MEGF9: variants seen among roughly 807,000 people sequenced by gnomAD.
MEGF9 encodes the protein multiple epidermal growth factor-like domains protein 9.
A neutral mutation model predicts 46.8 loss-of-function variants in MEGF9; 6 were observed. The ratio of observed to expected loss-of-function variants is 0.13; its 90% confidence interval spans 0.07 to 0.25. The LOEUF (loss-of-function observed/expected upper bound fraction) is 0.25, where lower values mean the gene tolerates loss of function less well. Ranked by LOEUF, MEGF9 falls within the 10% of genes least tolerant of loss-of-function variation. The pLI is 1.00. For missense variants in MEGF9, 683 were observed against 792.4 expected (o/e 0.86, Z 1.66); for synonymous variants, 302 against 330.7 (o/e 0.91, Z 0.94).
intron 2 of MEGF9, among the ~76,000 whole-genome samples, chr9:120,635,588 T>C (rs940578636): frequency 3.3e-5 from 5 of 152,128 alleles, no homozygotes; most frequent in African/African-American, 1.2e-4. Context: ...TTTTGCTGGA[T>C]TCTTTCTTTT....
chr9:120,614,874 T>C (rs754082459), intron 3 of MEGF9, among the ~76,000 whole-genome samples: 2 of 151,976 alleles, frequency 1.3e-5, no homozygotes, highest in African/African-American at 4.8e-5. Context: ...CCTTTGTGCA[T>C]AGCTGATGTG....
chr9:120,704,723 C>T (rs1198715929), intron 1 of MEGF9, among the ~76,000 whole-genome samples: 1 of 152,136 alleles, frequency 6.6e-6, no homozygotes, highest in Non-Finnish European at 1.5e-5. Flanking sequence ...ATGTGAATTG[C>T]AAGGTCTTAG....
chr9:120,699,544 T>C (rs1387251711), intron 1 of MEGF9, among the ~76,000 whole-genome samples: 2 of 151,730 alleles, frequency 1.3e-5, no homozygotes, highest in East Asian at 1.9e-4. Flanking sequence ...ATAGCGAGAC[T>C]GCATGTCTAC....
chr9:120,699,633 G>A (rs2043894320), intron 1 of MEGF9, among the ~76,000 whole-genome samples: 1 of 150,492 alleles, frequency 6.6e-6, no homozygotes, highest in African/African-American at 2.5e-5. Flanking sequence ...TGATATGGGA[G>A]GATCACCTGA....
At chr9:120,610,910 CAAT>C (rs1206340882) in intron 4 of MEGF9, among the ~76,000 whole-genome samples, 2 of 152,062 alleles carry the variant, frequency 1.3e-5, no homozygotes, top group African/African-American at 4.8e-5. Context: ...TATTTCAACT[CAAT>C]GATAACAAGA....
At chr9:120,703,894 A>G (rs2043916537) in intron 1 of MEGF9, among the ~76,000 whole-genome samples, 1 of 151,816 alleles carries the variant, frequency 6.6e-6, no homozygotes. Context: ...AATCACTTCA[A>G]CCTAAGAGGC....
chr9:120,675,758 G>C (rs2043770148), intron 1 of MEGF9, among the ~76,000 whole-genome samples: 1 of 151,320 alleles, frequency 6.6e-6, no homozygotes, highest in Non-Finnish European at 1.5e-5. Flanking sequence ...TGTGGTGGCG[G>C]GCGCCTGTAA....
chr9:120,606,633 C>G (rs959558), intron 5 of MEGF9, among the ~76,000 whole-genome samples: 88,362 of 152,044 alleles, frequency 0.58, 28,271 homozygotes, highest in South Asian at 0.75. Flanking sequence ...TGTGTGGCTA[C>G]AGATAAGTAA....
rs1010982514 is a variant in MEGF9 at position 120,605,799 on chromosome 9, T to G, written c.1358-158A>C. Among the ~76,000 whole-genome samples, 9 of 152,154 alleles carry G rather than the reference T, an allele frequency of 5.9e-5. No individual in the cohort carries two copies. Among genetic ancestry groups the G allele is most frequent in the Non-Finnish European group, 8.8e-5 (6 of 68,030 alleles). The stretch of plus-strand genomic sequence containing the variant: ...GTTAAAAATAATGTTTAAAGAAATA[T>G]AGTGATAAGGGTAAGAATCAGGGTC... On this transcript the variant is annotated intron_variant, in intron 5 of 5. Transcript: ENST00000373930. The surrounding 1 kb of genome is among the most constrained non-coding windows in gnomAD (Gnocchi z 4.0).
chr9:120,604,890 T>C lies in MEGF9; in HGVS notation c.*300A>G. 3.0e-6 allele frequency: 1 copy of C among 328,190 alleles called. No homozygotes were observed. Among genetic ancestry groups the C allele is most frequent in the Non-Finnish European group, 5.6e-6 (1 of 179,370 alleles). The allele number at this position is 328,190 out of a possible 1,614,324, so 20.3% of individuals were successfully genotyped here. On this transcript the variant is annotated 3_prime_UTR_variant, in exon 6 of 6. Transcript: ENST00000373930. Reference sequence around the variant, plus strand: ...TGGTGAATGCTTCCCCAGGAGTCTATCTGGAGGTCAAAGTGGTTTTGGGCT... The same window carrying C: ...TGGTGAATGCTTCCCCAGGAGTCTACCTGGAGGTCAAAGTGGTTTTGGGCT...
At chr9:120,616,073 A>C (rs1216151765) in intron 3 of MEGF9, among the ~76,000 whole-genome samples, 1 of 152,174 alleles carries the variant, frequency 6.6e-6, no homozygotes, top group African/African-American at 2.4e-5. Flanking sequence ...GTGAGAGGCA[A>C]TAGCCCTTTC....
At chr9:120,701,388 C>G (rs2043904417) in intron 1 of MEGF9, among the ~76,000 whole-genome samples, 1 of 152,172 alleles carries the variant, frequency 6.6e-6, no homozygotes, top group Non-Finnish European at 1.5e-5. Context: ...GGTTATTTAA[C>G]ATTCTCCAGC....
chr9:120,635,669 CT>C (rs934019440), intron 2 of MEGF9, among the ~76,000 whole-genome samples: 6 of 151,644 alleles, frequency 4.0e-5, no homozygotes, highest in Admixed American at 3.3e-4. Context: ...CTGGTTGGTT[CT>C]TTTTTTTATG....
chr9:120,674,880 A>T (rs76376195), intron 1 of MEGF9, among the ~76,000 whole-genome samples: 9 of 135,766 alleles, frequency 6.6e-5, no homozygotes, highest in East Asian at 2.2e-4. Context: ...AGCAGTTTCT[A>T]TTTTTTTTTT....
intron 1 of MEGF9, among the ~76,000 whole-genome samples, chr9:120,710,845 C>T (rs1368199648): frequency 1.3e-5 from 2 of 152,188 alleles, no homozygotes; most frequent in East Asian, 3.8e-4. Context: ...GCCCATGCTC[C>T]ATACTTGATC....
chr9:120,708,662 T>A (rs1323453185), intron 1 of MEGF9, among the ~76,000 whole-genome samples: 1 of 152,236 alleles, frequency 6.6e-6, no homozygotes, highest in Non-Finnish European at 1.5e-5. Context: ...GTAAATTTAT[T>A]CTGCCCTATG....
Position 120,605,565 on chromosome 9 carries a change from A to C in MEGF9, c.1434T>G (p.Pro478=). 6.2e-7 allele frequency: 1 copy of C among 1,608,614 alleles called. No homozygotes were observed. Among genetic ancestry groups the C allele is most frequent in the Middle Eastern group, 1.7e-4 (1 of 6,060 alleles). The change falls in exon 6 of 6, where the codon CCT becomes CCG. Residue 478 remains proline (P), a synonymous_variant. Transcript: ENST00000373930. The surrounding 1 kb of genome is among the most constrained non-coding windows in gnomAD (Gnocchi z 4.0). ...TAGGGGTAAAAGTACTATTTATAAC[A>C]GGGGTGGGCACTGATGTGGTCAAAG... The part of the protein sequence containing the change: ...NASLTTSVPT[P]VINSTFTPTT...
In MEGF9 at chr9:120,615,731, C is replaced by T. The variant is rs568704829; in HGVS notation, c.944-3192G>A. Among the ~76,000 whole-genome samples the T allele has an allele frequency of 2.0e-3, 306 of 151,884 alleles. 1 individual carries two copies. Among genetic ancestry groups the T allele is most frequent in the African/African-American group, 7.2e-3 (297 of 41,392 alleles). On this transcript the variant is annotated intron_variant, in intron 3 of 5. Coordinates refer to ENST00000373930, the MANE Select transcript of MEGF9 (RefSeq NM_001080497.3). Reference sequence around the variant, plus strand: ...GCAACAGGGCAAAATACTGTCTCTACAAAAAATACAAAAATTAGCTGGGTG... The same window carrying T: ...GCAACAGGGCAAAATACTGTCTCTATAAAAAATACAAAAATTAGCTGGGTG...
chr9:120,623,022 T>C (rs889251992), intron 2 of MEGF9, among the ~76,000 whole-genome samples: 1 of 152,244 alleles, frequency 6.6e-6, no homozygotes, highest in Non-Finnish European at 1.5e-5. Flanking sequence ...GTAATAATGA[T>C]GATGCAATGA....
Sources: allele counts gnomAD v4.1 joint callset (sites outside exome capture counted in the v4.1 genomes callset), GRCh38; gene constraint gnomAD v4.1.1; non-coding constraint Gnocchi (gnomAD v3.1); transcripts MANE v1.5; gene names NCBI Gene and HGNC (gene_info 2026-07-23, HGNC 2026-07-21).